The following PIRT variants were observed in gnomAD, a reference collection of about 807,000 sequenced individuals.
PIRT encodes the protein phosphoinositide-interacting protein.
Under a neutral mutation model 7.9 loss-of-function variants are expected in PIRT, and 6 were observed. The ratio of observed to expected loss-of-function variants is 0.76; its 90% CI spans 0.42 to 1.51. The LOEUF (loss-of-function observed/expected upper bound fraction) is 1.51, where lower values mean the gene tolerates loss of function less well. Among genes scored for constraint, PIRT ranks in the 40% most tolerant of loss-of-function variants. The probability of loss-of-function intolerance (pLI) is 0.01; values close to 1 mark genes in which losing one functional copy is unlikely to be tolerated. For missense variants in PIRT, 170 were observed against 172.9 expected, an observed-to-expected ratio of 0.98 and a Z score of 0.09; for synonymous variants, 78 against 71.8, an observed-to-expected ratio of 1.09 and a Z score of -0.44.
chr17:10,823,221 G>A lies in PIRT; in HGVS notation c.*2011C>T, dbSNP rs1474579844. 7.9e-5 allele frequency: 12 copies of A among 152,324 alleles called. No homozygotes were observed. In the East Asian group the frequency reaches 1.9e-3, roughly 24 times the overall value. 9.4% of individuals were successfully genotyped at this position (152,324 alleles called of 1,614,324 possible). A position where few individuals can be genotyped will look rare whatever the true frequency, so the allele number is the denominator to read the frequency against. ...CTGAGGCACTAAAACTACAATTAACGACATAGCACTTGCAACACTCCCAAG... is the reference window on the plus strand; with the variant it reads ...CTGAGGCACTAAAACTACAATTAACAACATAGCACTTGCAACACTCCCAAG... On this transcript the variant is annotated 3_prime_UTR_variant, in exon 2 of 2. Coordinates refer to ENST00000580256, the MANE Select transcript of PIRT (RefSeq NM_001101387.2).
intron 1 of PIRT, among the ~76,000 whole-genome samples, chr17:10,833,916 CACA>C (rs1337048825): frequency 6.6e-6 from 1 of 152,004 alleles, no homozygotes; most frequent in Non-Finnish European, 1.5e-5. Context: ...AAATTAAAGC[CACA>C]ACGAGACATC....
chr17:10,827,103 T>C (rs2151533614), intron 1 of PIRT, among the ~76,000 whole-genome samples: 1 of 152,240 alleles, frequency 6.6e-6, no homozygotes, highest in East Asian at 1.9e-4. Context: ...TGAGCCACTG[T>C]GCCTGGCCCC....
chr17:10,825,075 T>C lies in PIRT; in HGVS notation c.*157A>G. On this transcript the variant is annotated 3_prime_UTR_variant, in exon 2 of 2. Transcript: ENST00000580256. Reference sequence around the variant, plus strand: ...ACATCTGGCAACATTCCCGGCTGCATGGAGGGTGGAGCCCCAAGCTCTATC... The same window carrying C: ...ACATCTGGCAACATTCCCGGCTGCACGGAGGGTGGAGCCCCAAGCTCTATC... The C allele has an allele frequency of 2.1e-6, 2 of 930,248 alleles. No homozygotes were observed. The highest frequency in any genetic ancestry group is 3.2e-6 in the Non-Finnish European group (2 of 630,306). The allele number at this position is 930,248 out of a possible 1,614,324, so 57.6% of individuals were successfully genotyped here.
rs112343271 is a variant in PIRT at position 10,824,793 on chromosome 17, G to C, written c.*439C>G. On this transcript the variant is annotated 3_prime_UTR_variant, in exon 2 of 2. Transcript: ENST00000580256. The stretch of plus-strand genomic sequence containing the variant: ...GAGCTCAGCCATCCCTCCCTCCTCT[G>C]TAAAGGACCTCCGTGGGTCAGTTTT... The C allele has an allele frequency of 2.9e-4, 50 of 174,164 alleles. No homozygotes were observed. The highest frequency in any genetic ancestry group is 1.1e-3 in the African/African-American group (47 of 42,224). 10.8% of individuals were successfully genotyped at this position (174,164 alleles called of 1,614,324 possible).
chr17:10,823,918 C>T lies in PIRT; in HGVS notation c.*1314G>A, dbSNP rs547775091. ...GGTCAGACAAATGGCCGTGCAGTTT[C>T]CTAATTCCATCATGCTTCTCCTTCC... is the stretch of plus-strand genomic sequence containing the variant. On this transcript the variant is annotated 3_prime_UTR_variant, in exon 2 of 2. Coordinates refer to ENST00000580256, the MANE Select transcript of PIRT (RefSeq NM_001101387.2). 6.6e-6 allele frequency: 1 copy of T among 152,372 alleles called. No homozygotes were observed. Among genetic ancestry groups the T allele is most frequent in the South Asian group, 2.1e-4 (1 of 4,830 alleles). The allele number at this position is 152,372 out of a possible 1,614,324, so 9.4% of individuals were successfully genotyped here.
intron 1 of PIRT, among the ~76,000 whole-genome samples, chr17:10,830,608 G>C (rs1482257194): frequency 6.6e-6 from 1 of 152,062 alleles, no homozygotes; most frequent in Non-Finnish European, 1.5e-5. Flanking sequence ...TTTTCTTTCT[G>C]GGTCTCTGTT....
intron 1 of PIRT, among the ~76,000 whole-genome samples, chr17:10,834,275 C>CATTCCATTG (rs1905530977): frequency 6.6e-6 from 1 of 152,196 alleles, no homozygotes; most frequent in African/African-American, 2.4e-5. Flanking sequence ...TGGAATGTTA[C>CATTCCATTG]TAAGCAGTAG....
rs1905249125 is a variant in PIRT, at chr17:10,823,567, G to A, written c.*1665C>T. ...TGAGGAGTGAAGAGAATTAGCTCAA[G>A]ACAAGGGTGATTCTGGTGCAGGATG... On this transcript the variant is annotated 3_prime_UTR_variant, in exon 2 of 2. Coordinates refer to ENST00000580256, the MANE Select transcript of PIRT (RefSeq NM_001101387.2). 6.6e-6 allele frequency: 1 copy of A among 152,300 alleles called. No homozygotes were observed. Among genetic ancestry groups the A allele is most frequent in the Non-Finnish European group, 1.5e-5 (1 of 68,100 alleles). 9.4% of individuals were successfully genotyped at this position (152,300 alleles called of 1,614,324 possible).
rs1191580722 is a variant in PIRT, at chr17:10,822,816, T to C, written c.*2416A>G. On this transcript the variant is annotated 3_prime_UTR_variant, in exon 2 of 2. Coordinates refer to ENST00000580256, the MANE Select transcript of PIRT (RefSeq NM_001101387.2). ...TGGAGGATCCCAGTGGGGATGACGA[T>C]GTTTGGGGATATTTCCTCATATTCT... The C allele has an allele frequency of 1.3e-5, 2 of 152,192 alleles. No homozygotes were observed. Among genetic ancestry groups the C allele is most frequent in the Non-Finnish European group, 2.9e-5 (2 of 68,026 alleles). The allele number at this position is 152,192 out of a possible 1,614,324, so 9.4% of individuals were successfully genotyped here.
At chr17:10,828,272 C>T (rs1421325915) in intron 1 of PIRT, among the ~76,000 whole-genome samples, 6 of 152,090 alleles carry the variant, frequency 3.9e-5, no homozygotes. Context: ...TCTGAGGGTC[C>T]CTTGCCTGCT....
At chr17:10,836,502 C>T (rs1481194657) in intron 1 of PIRT, among the ~76,000 whole-genome samples, 1 of 152,142 alleles carries the variant, frequency 6.6e-6, no homozygotes, top group Non-Finnish European at 1.5e-5. Context: ...ATGGGACCAA[C>T]GCATGCAAAA....
At chr17:10,833,646 C>T (rs891370660) in intron 1 of PIRT, among the ~76,000 whole-genome samples, 18 of 151,846 alleles carry the variant, frequency 1.2e-4, no homozygotes, top group Admixed American at 1.1e-3. Flanking sequence ...CCCAGCAACT[C>T]GGGAGGCTGA....
At chr17:10,833,977 G>T (rs1016178406) in intron 1 of PIRT, among the ~76,000 whole-genome samples, 1 of 152,086 alleles carries the variant, frequency 6.6e-6, no homozygotes, top group Non-Finnish European at 1.5e-5. Context: ...TCACAATACC[G>T]TAGGTTGGTG....
intron 1 of PIRT, among the ~76,000 whole-genome samples, chr17:10,832,198 C>CT (rs35382532): frequency 0.14 from 21,280 of 147,746 alleles, 1,583 homozygotes; most frequent in Non-Finnish European, 0.17. Context: ...CGTTCTGATT[C>CT]TTTTTTTTTT....
Position 10,823,646 on chromosome 17 carries a change from C to A in PIRT, c.*1586G>T, listed in dbSNP as rs139259943. ...CTCTCCAGGGGTCTTTGGCCTAGGGCAGCGTGGCTGGCTCCCTCACAGGTA... is the reference window on the plus strand; with the variant it reads ...CTCTCCAGGGGTCTTTGGCCTAGGGAAGCGTGGCTGGCTCCCTCACAGGTA... On this transcript the variant is annotated 3_prime_UTR_variant, in exon 2 of 2. Transcript: ENST00000580256. 3.9e-5 allele frequency: 6 copies of A among 152,372 alleles called. No individual in the cohort carries two copies. The highest frequency in any genetic ancestry group is 1.4e-4 in the African/African-American group (6 of 41,576). The allele number at this position is 152,372 out of a possible 1,614,324, so 9.4% of individuals were successfully genotyped here.
In PIRT at chr17:10,823,067, G is replaced by A. The variant is rs1905239987; in HGVS notation, c.*2165C>T. On this transcript the variant is annotated 3_prime_UTR_variant, in exon 2 of 2. Transcript: ENST00000580256. ...GAGGCACCTGGAGTGTGGGTTTCCA[G>A]TGAGTGATCTGGGGCCCATCCCATT... The A allele has an allele frequency of 6.6e-6, 1 of 152,198 alleles. No homozygotes were observed. The highest frequency in any genetic ancestry group is 1.5e-5 in the Non-Finnish European group (1 of 68,040). 9.4% of individuals were successfully genotyped at this position (152,198 alleles called of 1,614,324 possible).
intron 1 of PIRT, among the ~76,000 whole-genome samples, chr17:10,836,388 A>C (rs1905594282): frequency 6.6e-6 from 1 of 152,122 alleles, no homozygotes; most frequent in Non-Finnish European, 1.5e-5. Context: ...TGGTATTAAG[A>C]GGGTTGTCAG....
chr17:10,824,968 G>A lies in PIRT; in HGVS notation c.*264C>T, dbSNP rs1166684877. On this transcript the variant is annotated 3_prime_UTR_variant, in exon 2 of 2. Transcript: ENST00000580256. ...GTTGGATGAATGATGCCTGGATGCAGGGGCAGGGGGTTAGAGTGACCAAAG... is the reference window on the plus strand; with the variant it reads ...GTTGGATGAATGATGCCTGGATGCAAGGGCAGGGGGTTAGAGTGACCAAAG... 8 of 478,292 alleles carry A rather than the reference G, an allele frequency of 1.7e-5. No homozygotes were observed. The South Asian group carries it at 2.8e-4, about 17-fold the overall frequency. The allele number at this position is 478,292 out of a possible 1,614,324, so 29.6% of individuals were successfully genotyped here.
chr17:10,833,626 C>A (rs138370555), intron 1 of PIRT, among the ~76,000 whole-genome samples: 1 of 151,960 alleles, frequency 6.6e-6, no homozygotes, highest in Non-Finnish European at 1.5e-5. Flanking sequence ...TGGTGGTGCA[C>A]GCCTATAATC....
Sources: allele counts gnomAD v4.1 joint callset (sites outside exome capture counted in the v4.1 genomes callset), GRCh38; gene constraint gnomAD v4.1.1; transcripts MANE v1.5; gene names NCBI Gene and HGNC (gene_info 2026-07-23, HGNC 2026-07-21).